The following FGGY variants were observed in gnomAD, a reference collection of about 807,000 sequenced individuals.
FGGY encodes FGGY carbohydrate kinase domain containing.
FGGY carries 72 observed loss-of-function variants against 71.3 expected under a neutral mutation model. The ratio of observed to expected loss-of-function variants is 1.01; its 90% confidence interval spans 0.84 to 1.23. The LOEUF (loss-of-function observed/expected upper bound fraction) is 1.23. FGGY is among the 50% of genes most tolerant of loss of function. The pLI is 0.00. For synonymous variants in FGGY, 251 were observed against 250.3 expected, an observed-to-expected ratio of 1.00 and a Z score of -0.02; for missense variants, 668 against 682.3, an observed-to-expected ratio of 0.98 and a Z score of 0.23.
At chr1:59,358,468 G>C (rs1223226335) in intron 4 of FGGY, among the ~76,000 whole-genome samples, 2 of 152,062 alleles carry the variant, frequency 1.3e-5, no homozygotes, top group Admixed American at 1.3e-4. Flanking sequence ...AGAGCGAGAG[G>C]CTGTGAAAGC....
Position 59,534,516 on chromosome 1 carries a change from A to G in FGGY, c.800-19608A>G, listed in dbSNP as rs533563433. ...ATACTCCTCGAGAAGAGCAACTCCA[A>G]GACACATAATTGTCAGATTCACCAA... is the stretch of plus-strand genomic sequence containing the variant. On this transcript the variant is annotated intron_variant, in intron 7 of 15. Coordinates refer to ENST00000303721, the MANE Select transcript of FGGY (RefSeq NM_018291.5). 3.3e-5 allele frequency among the ~76,000 whole-genome samples: 5 copies of G among 152,160 alleles called. No homozygotes were observed. In the East Asian group the frequency reaches 7.7e-4, roughly 23 times the overall value.
At chr1:59,522,881 T>C (rs2094874575) in intron 7 of FGGY, among the ~76,000 whole-genome samples, 1 of 152,208 alleles carries the variant, frequency 6.6e-6, no homozygotes, top group Non-Finnish European at 1.5e-5. Flanking sequence ...TAGTACCTAG[T>C]AAATGGAGCA....
intron 1 of FGGY, among the ~76,000 whole-genome samples, chr1:59,315,294 C>T (rs891120264): frequency 1.3e-5 from 2 of 151,630 alleles, no homozygotes; most frequent in Admixed American, 6.6e-5. Context: ...TTCTCCCCTC[C>T]TCCCATCAAT....
At chr1:59,585,693 T>C (rs976593675) in intron 8 of FGGY, among the ~76,000 whole-genome samples, 2 of 152,010 alleles carry the variant, frequency 1.3e-5, no homozygotes, top group African/African-American at 4.8e-5. Context: ...ACTAAAGAGC[T>C]TCTGCACAGC....
chr1:59,363,384 G>A (rs2055971811), intron 4 of FGGY, among the ~76,000 whole-genome samples: 1 of 152,186 alleles, frequency 6.6e-6, no homozygotes, highest in Admixed American at 6.5e-5. Context: ...GGTAAAAAGT[G>A]CTTACTATGT....
chr1:59,410,976 A>G (rs2063524366), intron 5 of FGGY, among the ~76,000 whole-genome samples: 1 of 152,190 alleles, frequency 6.6e-6, no homozygotes, highest in Non-Finnish European at 1.5e-5. Flanking sequence ...CTCTCCTACC[A>G]ACATCTTACA....
rs149374598 is a variant in FGGY, at chr1:59,710,883, C to T, written c.1512+36750C>T. 2.9e-4 allele frequency among the ~76,000 whole-genome samples: 44 copies of T among 152,192 alleles called. No individual in the cohort carries two copies. In the East Asian group the frequency reaches 4.8e-3, roughly 17 times the overall value. On this transcript the variant is annotated intron_variant, in intron 14 of 15. Transcript: ENST00000303721. ...TCAACCTTTGTGGAAGACAGTGTGG[C>T]GATTCCTCAAGGATCTAGAACTAGA...
At chr1:59,695,179 G>A (rs1402040089) in intron 14 of FGGY, among the ~76,000 whole-genome samples, 2 of 152,226 alleles carry the variant, frequency 1.3e-5, no homozygotes. Flanking sequence ...TGACAAGCAA[G>A]ACTAGTATAT....
intron 6 of FGGY, among the ~76,000 whole-genome samples, chr1:59,462,163 A>T (rs2092289031): frequency 1.3e-5 from 2 of 152,162 alleles, no homozygotes; most frequent in East Asian, 3.9e-4. Flanking sequence ...GCATATCTAC[A>T]ACTATCTGAT....
intron 1 of FGGY, among the ~76,000 whole-genome samples, chr1:59,316,586 C>T (rs1017925256): frequency 2.0e-4 from 31 of 152,282 alleles, no homozygotes; most frequent in African/African-American, 7.0e-4. Context: ...GAAGAATCAG[C>T]CACAAAGTCT....
intron 1 of FGGY, among the ~76,000 whole-genome samples, chr1:59,310,390 CAA>C (rs1262277821): frequency 6.6e-5 from 10 of 152,204 alleles, no homozygotes; most frequent in African/African-American, 2.4e-4. Context: ...ATTCAGAACT[CAA>C]AGAGAGGTCA....
intron 6 of FGGY, among the ~76,000 whole-genome samples, chr1:59,460,846 GCT>G (rs2092133986): frequency 6.6e-6 from 1 of 152,208 alleles, no homozygotes; most frequent in Non-Finnish European, 1.5e-5. Flanking sequence ...GAGGAACCTG[GCT>G]GTTAGAAGGA....
chr1:59,312,647 A>T (rs1242412000), intron 1 of FGGY, among the ~76,000 whole-genome samples: 1 of 152,198 alleles, frequency 6.6e-6, no homozygotes, highest in Non-Finnish European at 1.5e-5. Flanking sequence ...TGGGGATGTC[A>T]TTTGATGAGT....
chr1:59,570,199 G>A (rs2095958414), intron 8 of FGGY, among the ~76,000 whole-genome samples: 3 of 152,280 alleles, frequency 2.0e-5, no homozygotes, highest in African/African-American at 4.8e-5. Flanking sequence ...ATTTTAACAT[G>A]TGCCCAGGTG....
intron 1 of FGGY, among the ~76,000 whole-genome samples, chr1:59,297,723 T>C (rs949907003): frequency 2.7e-5 from 4 of 150,806 alleles, no homozygotes; most frequent in African/African-American, 9.8e-5. Context: ...CTCGGGAGGC[T>C]GAGGCAGGAG....
At chr1:59,374,927 AG>A (rs2058387251) in intron 4 of FGGY, among the ~76,000 whole-genome samples, 1 of 9,376 alleles carries the variant, frequency 1.1e-4, no homozygotes, top group African/African-American at 4.3e-4. Flanking sequence ...GGGAGGGGGG[AG>A]GGGGGAGGGA....
chr1:59,649,036 G>A (rs1450280892), intron 11 of FGGY, among the ~76,000 whole-genome samples: 1 of 151,290 alleles, frequency 6.6e-6, no homozygotes. Flanking sequence ...TTTTTCTCAG[G>A]TTTGTCAAAG....
At chr1:59,743,245 T>C (rs2098165409) in intron 14 of FGGY, among the ~76,000 whole-genome samples, 1 of 152,196 alleles carries the variant, frequency 6.6e-6, no homozygotes, top group South Asian at 2.1e-4. Flanking sequence ...TCAACTTTCT[T>C]TACCCAGCCA....
chr1:59,311,989 C>T (rs1340961951), intron 1 of FGGY, among the ~76,000 whole-genome samples: 2 of 152,202 alleles, frequency 1.3e-5, no homozygotes, highest in Non-Finnish European at 2.9e-5. Context: ...ATTTGCATTT[C>T]TCTAATGATC....
Sources: allele counts gnomAD v4.1 joint callset (sites outside exome capture counted in the v4.1 genomes callset), GRCh38; gene constraint gnomAD v4.1.1; transcripts MANE v1.5; gene names NCBI Gene and HGNC (gene_info 2026-07-23, HGNC 2026-07-21).